MAML3: variants seen among roughly 807,000 people sequenced by gnomAD.
MAML3 encodes the protein mastermind-like protein 3.
In MAML3, 27 loss-of-function variants were observed where a neutral mutation model predicts 101.9. The observed-to-expected ratio is 0.27, with a 90% CI of 0.20 to 0.37. The LOEUF is 0.37. MAML3 is among the 10% of genes least tolerant of loss of function. The pLI is 1.00. For missense variants in MAML3, 1,316 were observed against 1,444.9 expected (o/e 0.91, Z 1.45); for synonymous variants, 501 against 555.9 (o/e 0.90, Z 1.39).
At chr4:140,040,692 A>G (rs1479222086) in intron 1 of MAML3, among the ~76,000 whole-genome samples, 3 of 152,244 alleles carry the variant, frequency 2.0e-5, no homozygotes, top group South Asian at 2.1e-4. Context: ...ACACAGAGTA[A>G]TTGCCATATT....
chr4:139,909,722 AG>A (rs1219889527), intron 1 of MAML3, among the ~76,000 whole-genome samples: 1 of 151,206 alleles, frequency 6.6e-6, no homozygotes, highest in Admixed American at 6.6e-5. Flanking sequence ...CTATAATCCC[AG>A]CTACTCAGGA....
At chr4:139,960,687 T>G (rs760247067) in intron 1 of MAML3, among the ~76,000 whole-genome samples, 1 of 152,186 alleles carries the variant, frequency 6.6e-6, no homozygotes, top group Non-Finnish European at 1.5e-5. Flanking sequence ...CCCAGACTTC[T>G]GTTCCTTCCC....
At chr4:139,893,045 T>C (rs1014208979) in intron 1 of MAML3, among the ~76,000 whole-genome samples, 2 of 151,928 alleles carry the variant, frequency 1.3e-5, no homozygotes, top group Admixed American at 1.3e-4. Flanking sequence ...TCCCCTCTTC[T>C]CCCTTACCCT....
chr4:139,744,338 A>G (rs1362095231), intron 2 of MAML3, among the ~76,000 whole-genome samples: 2 of 152,200 alleles, frequency 1.3e-5, no homozygotes, highest in Non-Finnish European at 2.9e-5. Context: ...TTTTTCTTAA[A>G]GAACACTCAC....
At chr4:140,121,748 A>G (rs1728609115) in intron 1 of MAML3, among the ~76,000 whole-genome samples, 1 of 152,256 alleles carries the variant, frequency 6.6e-6, no homozygotes, top group Non-Finnish European at 1.5e-5. Flanking sequence ...AGAAAATGTT[A>G]AACCCCAATT....
chr4:139,900,887 C>T (rs1732705877), intron 1 of MAML3, among the ~76,000 whole-genome samples: 1 of 152,166 alleles, frequency 6.6e-6, no homozygotes, highest in Admixed American at 6.5e-5. Flanking sequence ...ACATATCTTA[C>T]CTCGATTAAC....
chr4:140,109,714 A>G (rs548243018), intron 1 of MAML3, among the ~76,000 whole-genome samples: 16 of 152,172 alleles, frequency 1.1e-4, no homozygotes, highest in African/African-American at 3.9e-4. Flanking sequence ...ACTGCTGGCA[A>G]TTTTTTCCCC....
At chr4:139,765,497 A>C (rs1729838435) in intron 2 of MAML3, among the ~76,000 whole-genome samples, 1 of 152,272 alleles carries the variant, frequency 6.6e-6, no homozygotes, top group Admixed American at 6.5e-5. Flanking sequence ...GAAATATCAC[A>C]TAGGCTAAAG....
chr4:140,136,407 G>A (rs1728883047), intron 1 of MAML3, among the ~76,000 whole-genome samples: 1 of 152,084 alleles, frequency 6.6e-6, no homozygotes, highest in Admixed American at 6.5e-5. Flanking sequence ...CCTCCATTGT[G>A]GATGAGGGCA....
chr4:140,101,684 A>G (rs1728254631), intron 1 of MAML3, among the ~76,000 whole-genome samples: 1 of 152,158 alleles, frequency 6.6e-6, no homozygotes, highest in Non-Finnish European at 1.5e-5. Context: ...AGATCAGTGT[A>G]AATTAGAAAT....
chr4:140,020,818 A>ACCCC (rs1376725616), intron 1 of MAML3, among the ~76,000 whole-genome samples: 1 of 152,236 alleles, frequency 6.6e-6, no homozygotes, highest in Non-Finnish European at 1.5e-5. Context: ...TACAAATTAA[A>ACCCC]AAATTGACTT....
chr4:139,941,820 C>G (rs1429886939), intron 1 of MAML3, among the ~76,000 whole-genome samples: 3 of 152,078 alleles, frequency 2.0e-5, no homozygotes, highest in African/African-American at 7.2e-5. Flanking sequence ...ACACAATCTT[C>G]TCTTACTTCA....
intron 2 of MAML3, among the ~76,000 whole-genome samples, chr4:139,830,110 C>G (rs1731134790): frequency 6.6e-6 from 1 of 152,180 alleles, no homozygotes; most frequent in African/African-American, 2.4e-5. Context: ...AGATAGATTT[C>G]AGCTGAGTGC....
At chr4:139,986,599 A>G (rs1341349272) in intron 1 of MAML3, among the ~76,000 whole-genome samples, 1 of 150,020 alleles carries the variant, frequency 6.7e-6, no homozygotes, top group South Asian at 2.1e-4. Context: ...TAATATAACC[A>G]CTACACTGTT....
chr4:140,147,082 G>A (rs1214459451), intron 1 of MAML3, among the ~76,000 whole-genome samples: 1 of 140,448 alleles, frequency 7.1e-6, no homozygotes, highest in East Asian at 2.1e-4. Flanking sequence ...GCAGTGAGCC[G>A]AGATTGCATC....
rs1034592688 is a variant in MAML3 at position 140,129,738 on chromosome 4, G to A, written c.468+23122C>T. 1.1e-4 allele frequency among the ~76,000 whole-genome samples: 17 copies of A among 152,162 alleles called. No homozygotes were observed. In the South Asian group the frequency reaches 1.7e-3, roughly 15 times the overall value. On this transcript the variant is annotated intron_variant, in intron 1 of 4. Coordinates refer to ENST00000509479, the MANE Select transcript of MAML3 (RefSeq NM_018717.5). ...TCCCAGCACTTTGGGAGGCCGAGGC[G>A]GGCGGATCACGAGGTCAAGAAATCG...
chr4:139,911,706 C>T (rs1176879616), intron 1 of MAML3, among the ~76,000 whole-genome samples: 2 of 152,012 alleles, frequency 1.3e-5, no homozygotes, highest in African/African-American at 2.4e-5. Flanking sequence ...AAGGTAGTGC[C>T]CTTATAAGAG....
chr4:139,809,530 C>A (rs1730756744), intron 2 of MAML3, among the ~76,000 whole-genome samples: 1 of 152,130 alleles, frequency 6.6e-6, no homozygotes, highest in Non-Finnish European at 1.5e-5. Context: ...GACCCTGGTC[C>A]CCACCCTCTG....
At chr4:139,858,415 G>C (rs1408844908) in intron 2 of MAML3, among the ~76,000 whole-genome samples, 3 of 149,010 alleles carry the variant, frequency 2.0e-5, no homozygotes, top group Admixed American at 6.7e-5. Context: ...ATTTTGACCA[G>C]AACAGAACTA....
Sources: gnomAD v4.1 joint callset for allele counts (sites outside exome capture counted in the v4.1 genomes callset) on GRCh38, gnomAD v4.1.1 for gene constraint, MANE v1.5 for transcripts, NCBI Gene and HGNC (gene_info 2026-07-23, HGNC 2026-07-21) for gene names.